CACNA1D: variants seen among roughly 807,000 people sequenced by gnomAD.
CACNA1D encodes the protein calcium voltage-gated channel subunit alpha1 D.
A neutral mutation model predicts 257.1 loss-of-function variants in CACNA1D; 55 were observed. The observed-to-expected ratio is 0.21, with a 90% confidence interval of 0.17 to 0.27. The LOEUF is 0.27. CACNA1D is among the 10% of genes least tolerant of loss of function. The pLI, the probability that CACNA1D is intolerant of heterozygous loss-of-function variation, is 1.00. For synonymous variants in CACNA1D, 980 were observed against 1,014.9 expected (o/e 0.97, Z 0.65); for missense variants, 1,876 against 2,784.0 (o/e 0.67, Z 7.34).
chr3:53,640,328 A>T (rs1454326806), intron 3 of CACNA1D, among the ~76,000 whole-genome samples: 1 of 152,208 alleles, frequency 6.6e-6, no homozygotes, highest in Non-Finnish European at 1.5e-5. Flanking sequence ...AAGGCCTGAC[A>T]TGGTTTAGAA....
At chr3:53,522,312 G>A (rs2091610907) in intron 3 of CACNA1D, among the ~76,000 whole-genome samples, 1 of 152,196 alleles carries the variant, frequency 6.6e-6, no homozygotes, top group Non-Finnish European at 1.5e-5. Context: ...TCTGTCTTCT[G>A]TGGGTCCCTC....
intron 33 of CACNA1D, chr3:53,773,808 G>A (rs536765835): frequency 1.3e-5 from 2 of 152,134 alleles, no homozygotes; most frequent in East Asian, 3.9e-4. Context: ...TGCCCTGGAA[G>A]GTCTTTTATC....
At chr3:53,810,422 C>A in intron 47 of CACNA1D, 124 bp downstream of exon 47, 1 of 887,890 alleles carries the variant, frequency 1.1e-6, no homozygotes, top group Non-Finnish European at 1.9e-6. Context: ...CTCAATCAGA[C>A]ACTTCTGAGC....
intron 39 of CACNA1D, chr3:53,786,529 A>G: frequency 2.6e-6 from 1 of 380,844 alleles, no homozygotes; most frequent in Admixed American, 4.0e-5. Context: ...ACAGCATTTC[A>G]TAGTGTTACT....
chr3:53,682,488 T>C (rs1034399056), intron 8 of CACNA1D, among the ~76,000 whole-genome samples: 24 of 151,338 alleles, frequency 1.6e-4, no homozygotes, highest in African/African-American at 5.3e-4. Flanking sequence ...GCCTAGGAGT[T>C]TGAGGTTGCA....
chr3:53,684,617 C>CT (rs2094458552), intron 8 of CACNA1D, among the ~76,000 whole-genome samples: 1 of 89,516 alleles, frequency 1.1e-5, no homozygotes, highest in Non-Finnish European at 2.1e-5. Context: ...GAGTGAAACT[C>CT]TGTCAAAAAA....
chr3:53,742,372 G>A (rs2095126258), intron 21 of CACNA1D, among the ~76,000 whole-genome samples: 2 of 152,134 alleles, frequency 1.3e-5, no homozygotes, highest in Non-Finnish European at 2.9e-5. Context: ...CCCATAATAG[G>A]TGCTCCAGGT....
intron 3 of CACNA1D, among the ~76,000 whole-genome samples, chr3:53,626,648 G>A (rs957049126): frequency 6.6e-6 from 1 of 152,146 alleles, no homozygotes; most frequent in Non-Finnish European, 1.5e-5. Context: ...AGTGACTGTG[G>A]TTTCAGTTTC....
At chr3:53,775,404 T>C (rs60758807) in intron 34 of CACNA1D, among the ~76,000 whole-genome samples, 8,891 of 152,070 alleles carry the variant, frequency 0.058, 529 homozygotes, top group African/African-American at 0.15. Context: ...TGGCAAAACC[T>C]TGACTCTACT....
At chr3:53,537,161 T>C (rs1381403330) in intron 3 of CACNA1D, among the ~76,000 whole-genome samples, 1 of 152,218 alleles carries the variant, frequency 6.6e-6, no homozygotes, top group Admixed American at 6.5e-5. Flanking sequence ...AGTGTTAACA[T>C]TTAATAGTTA....
intron 3 of CACNA1D, among the ~76,000 whole-genome samples, chr3:53,617,779 G>A (rs2093653301): frequency 6.6e-6 from 1 of 152,204 alleles, no homozygotes; most frequent in Non-Finnish European, 1.5e-5. Flanking sequence ...CTCAGCTAGG[G>A]ACGCAGCTGG....
intron 30 of CACNA1D, among the ~76,000 whole-genome samples, chr3:53,763,017 C>T (rs2095312380): frequency 6.6e-6 from 1 of 152,204 alleles, no homozygotes; most frequent in African/African-American, 2.4e-5. Flanking sequence ...CTGATGTGCA[C>T]CCTCGTCCCC....
chr3:53,682,364 G>GGAAA (rs1438838499), intron 8 of CACNA1D, among the ~76,000 whole-genome samples: 1 of 21,836 alleles, frequency 4.6e-5, no homozygotes, highest in African/African-American at 3.2e-4. Flanking sequence ...TTTGTCTCTG[G>GGAAA]TAAAAAAAAA....
At chr3:53,744,593 CGTGAAG>C (rs1202614021) in intron 22 of CACNA1D, 141 bp from the exon 23 acceptor site, 1 of 719,460 alleles carries the variant, frequency 1.4e-6, no homozygotes, top group Non-Finnish European at 2.6e-6. Flanking sequence ...GCCTCTGAGT[CGTGAAG>C]AGAGATCAGC....
intron 15 of CACNA1D, among the ~76,000 whole-genome samples, chr3:53,728,747 C>G (rs1004064471): frequency 6.6e-6 from 1 of 152,202 alleles, no homozygotes; most frequent in African/African-American, 2.4e-5. Context: ...TGCTTATGCT[C>G]TGTCTTCCCC....
At position 53,800,892 on chromosome 3, in the gene CACNA1D, C is replaced by T. The variant is rs1016400744; in HGVS notation, c.5041-166C>T. The T allele has an allele frequency of 8.6e-6, 6 of 700,024 alleles. No individual in the cohort carries two copies. The highest frequency in any genetic ancestry group is 1.5e-5 in the Non-Finnish European group (6 of 399,510). 43.4% of individuals were successfully genotyped at this position (700,024 alleles called of 1,614,324 possible). A position where few individuals can be genotyped will look rare whatever the true frequency, so the allele number is the denominator to read the frequency against. The stretch of plus-strand genomic sequence containing the variant: ...TCCTCATCTCGGGGGGACCAACTGC[C>T]ACACAGTCACATTCACCCTGATCAT... On this transcript the variant is annotated intron_variant, in intron 41 of 47. Transcript: ENST00000350061. This position sits in a 1 kb window ranked among gnomAD's most constrained non-coding sequence, Gnocchi z 4.3.
chr3:53,746,437 A>T (rs149290839), intron 25 of CACNA1D, among the ~76,000 whole-genome samples: 1 of 152,272 alleles, frequency 6.6e-6, no homozygotes, highest in East Asian at 1.9e-4. Flanking sequence ...CATGCCTCCC[A>T]TTCCAGGATG....
At chr3:53,592,365 G>A (rs983751219) in intron 3 of CACNA1D, among the ~76,000 whole-genome samples, 1 of 152,066 alleles carries the variant, frequency 6.6e-6, no homozygotes, top group Non-Finnish European at 1.5e-5. Context: ...GGAAGGAGAT[G>A]TTTTTAATTG....
chr3:53,743,229 A>G (rs958614170), intron 22 of CACNA1D, 112 bp downstream of exon 22: 3 of 731,466 alleles, frequency 4.1e-6, no homozygotes, highest in South Asian at 1.6e-5. Flanking sequence ...ATTTAGTTAT[A>G]TAGGTTTATT....
Sources: gnomAD v4.1 joint callset for allele counts (sites outside exome capture counted in the v4.1 genomes callset) on GRCh38, gnomAD v4.1.1 for gene constraint, Gnocchi (gnomAD v3.1) non-coding constraint, MANE v1.5 for transcripts, NCBI Gene and HGNC (gene_info 2026-07-23, HGNC 2026-07-21) for gene names.